The following RYR3 variants were observed in gnomAD, a reference collection of about 807,000 sequenced individuals.
RYR3 encodes ryanodine receptor 3.
Under a neutral mutation model 584.3 loss-of-function variants are expected in RYR3, and 207 were observed. The ratio of observed to expected loss-of-function variants is 0.35; its 90% CI spans 0.32 to 0.40. The LOEUF (loss-of-function observed/expected upper bound fraction) is 0.40. RYR3 is among the 10% of genes least tolerant of loss of function. RYR3 has a pLI of 1.00. For synonymous variants in RYR3, 2,416 were observed against 2,248.5 expected (o/e 1.07, Z -2.11); for missense variants, 5,616 against 6,089.2 (o/e 0.92, Z 2.59).
chr15:33,326,873 G>A (rs1017371635), intron 1 of RYR3, among the ~76,000 whole-genome samples: 23 of 152,100 alleles, frequency 1.5e-4, no homozygotes, highest in African/African-American at 5.6e-4. Flanking sequence ...TGATAAGGTA[G>A]ACTATATAGA....
At chr15:33,849,597 G>A (rs2078957474) in intron 94 of RYR3, 1 of 151,852 alleles carries the variant, frequency 6.6e-6, no homozygotes, top group African/African-American at 2.4e-5. Flanking sequence ...TCACAAGTAA[G>A]TGACAGTTTC....
intron 10 of RYR3, among the ~76,000 whole-genome samples, chr15:33,560,183 G>A (rs551170563): frequency 2.0e-5 from 3 of 152,264 alleles, no homozygotes; most frequent in South Asian, 4.1e-4. Flanking sequence ...ATAAAATCAA[G>A]CCTCTCTATC....
At chr15:33,718,369 T>A (rs1007893508) in intron 43 of RYR3, among the ~76,000 whole-genome samples, 5 of 152,210 alleles carry the variant, frequency 3.3e-5, no homozygotes, top group African/African-American at 1.2e-4. Context: ...GAAATATATT[T>A]TTTGAATGTT....
chr15:33,634,522 A>G, intron 24 of RYR3, 64 bp from the exon 25 acceptor site: 1 of 1,558,516 alleles, frequency 6.4e-7, no homozygotes. Flanking sequence ...GAATATGTGA[A>G]TAGGGTGAGC....
chr15:33,755,002 T>C, intron 57 of RYR3, 63 bp from the exon 58 acceptor site: 1 of 842,332 alleles, frequency 1.2e-6, no homozygotes, highest in Non-Finnish European at 2.0e-6. Flanking sequence ...GTAGGACTGG[T>C]GGTGCACCTG....
At chr15:33,674,143 A>G (rs956543085) in intron 38 of RYR3, among the ~76,000 whole-genome samples, 5 of 152,206 alleles carry the variant, frequency 3.3e-5, no homozygotes, top group Non-Finnish European at 7.3e-5. Flanking sequence ...TAGGAGCCCT[A>G]AACCAAAATT....
At chr15:33,675,478 AAAT>A (rs960821683) in intron 38 of RYR3, among the ~76,000 whole-genome samples, 2 of 152,192 alleles carry the variant, frequency 1.3e-5, no homozygotes, top group African/African-American at 4.8e-5. Flanking sequence ...CTTAAGGACT[AAAT>A]GATTAATTTA....
chr15:33,569,642 A>G (rs1399182604), intron 12 of RYR3, among the ~76,000 whole-genome samples: 3 of 152,178 alleles, frequency 2.0e-5, no homozygotes, highest in African/African-American at 7.2e-5. Flanking sequence ...TCAATTGGGT[A>G]TGTTTCACTT....
intron 10 of RYR3, among the ~76,000 whole-genome samples, chr15:33,554,998 T>A (rs2056973310): frequency 6.6e-6 from 1 of 152,224 alleles, no homozygotes; most frequent in Admixed American, 6.5e-5. Flanking sequence ...TCTTGAATGA[T>A]TGGGATAGAT....
At chr15:33,397,925 GT>G (rs1455734668) in intron 1 of RYR3, among the ~76,000 whole-genome samples, 1 of 152,104 alleles carries the variant, frequency 6.6e-6, no homozygotes, top group Admixed American at 6.6e-5. Context: ...CAGAAATTCA[GT>G]TTTTTTCTGG....
At chr15:33,365,709 A>G (rs1160211275) in intron 1 of RYR3, among the ~76,000 whole-genome samples, 1 of 152,244 alleles carries the variant, frequency 6.6e-6, no homozygotes, top group East Asian at 1.9e-4. Flanking sequence ...CTATGCAAAT[A>G]AATAAGTAGT....
chr15:33,810,716 T>C (rs1266544829), intron 71 of RYR3, 67 bp downstream of exon 71: 38 of 1,594,230 alleles, frequency 2.4e-5, no homozygotes, highest in Non-Finnish European at 3.2e-5. Flanking sequence ...ATTCAGCCCC[T>C]GAAGGGTTAG....
rs374832799 is a variant in RYR3 at position 33,600,883 on chromosome 15, C to T, written c.1789-536C>T. Among the ~76,000 whole-genome samples, 13 of 152,220 alleles carry T rather than the reference C, an allele frequency of 8.5e-5. No individual in the cohort carries two copies. In the East Asian group the frequency reaches 2.5e-3, roughly 29 times the overall value. ...AAGACCTGTAATATTTTATTTAAGG[C>T]CTTAAAATTTTGTTAAGACCTCCGC... is the stretch of plus-strand genomic sequence containing the variant. On this transcript the variant is annotated intron_variant, in intron 16 of 103. Transcript: ENST00000634891.
intron 2 of RYR3, among the ~76,000 whole-genome samples, chr15:33,479,524 G>A (rs1029941678): frequency 2.7e-5 from 4 of 145,830 alleles, no homozygotes; most frequent in Non-Finnish European, 4.4e-5. Flanking sequence ...GGCATCATGC[G>A]CTATGTCCCA....
rs79261794 is a variant in RYR3, at chr15:33,504,630, T to C, written c.279+892T>C. Among the ~76,000 whole-genome samples the C allele has an allele frequency of 8.4e-3, 1,279 of 152,322 alleles. 20 individuals are homozygous for C. Among genetic ancestry groups the C allele is most frequent in the African/African-American group, 0.029 (1,220 of 41,558 alleles). On this transcript the variant is annotated intron_variant, in intron 3 of 103. Transcript: ENST00000634891. ...TACAGTTGCCTGTTTTAAAATCCTTTGTCTTCCCATTATTTTGAGATAAAT... is the reference window on the plus strand; with the variant it reads ...TACAGTTGCCTGTTTTAAAATCCTTCGTCTTCCCATTATTTTGAGATAAAT...
intron 3 of RYR3, among the ~76,000 whole-genome samples, chr15:33,527,375 G>A (rs1288044331): frequency 6.6e-6 from 1 of 152,186 alleles, no homozygotes; most frequent in East Asian, 1.9e-4. Flanking sequence ...GAGGTCAGGA[G>A]TTCGAGACAG....
At chr15:33,652,235 C>T (rs2062519251) in intron 31 of RYR3, among the ~76,000 whole-genome samples, 1 of 152,134 alleles carries the variant, frequency 6.6e-6, no homozygotes, top group Non-Finnish European at 1.5e-5. Flanking sequence ...GGCCGGCCAT[C>T]CTAAGGAATG....
At chr15:33,834,632 G>A (rs2077922287) in intron 86 of RYR3, among the ~76,000 whole-genome samples, 1 of 152,122 alleles carries the variant, frequency 6.6e-6, no homozygotes, top group Non-Finnish European at 1.5e-5. Context: ...GTGAGGGTGG[G>A]GAGTGTGCCC....
chr15:33,851,637 A>T (rs1355717523), intron 94 of RYR3: 1 of 152,138 alleles, frequency 6.6e-6, no homozygotes, highest in African/African-American at 2.4e-5. Context: ...TGAAGGTAAG[A>T]CCGCATCTAT....
Sources: gnomAD v4.1 joint callset for allele counts (sites outside exome capture counted in the v4.1 genomes callset) on GRCh38, gnomAD v4.1.1 for gene constraint, MANE v1.5 for transcripts, NCBI Gene and HGNC (gene_info 2026-07-23, HGNC 2026-07-21) for gene names.